The following INPP4B variants were observed in gnomAD, a reference collection of about 807,000 sequenced individuals.
The protein encoded by INPP4B is inositol polyphosphate 4-phosphatase type II.
Under a neutral mutation model 122.5 loss-of-function variants are expected in INPP4B, and 55 were observed. That is an observed-to-expected ratio of 0.45 (90% CI 0.36 to 0.56). The LOEUF is 0.56. Among genes scored for constraint, INPP4B ranks in the 20% least tolerant of loss-of-function variants. The pLI, the probability that INPP4B is intolerant of heterozygous loss-of-function variation, is 0.00. For missense variants in INPP4B, 1,000 were observed against 1,097.7 expected (o/e 0.91, Z 1.26); for synonymous variants, 403 against 388.7 (o/e 1.04, Z -0.43).
chr4:142,319,430 T>C (rs1031630843), intron 7 of INPP4B, among the ~76,000 whole-genome samples: 1 of 152,206 alleles, frequency 6.6e-6, no homozygotes, highest in East Asian at 1.9e-4. Context: ...CATTTACTTG[T>C]TCTACTTGGA....
At chr4:142,342,340 G>A (rs983961695) in intron 7 of INPP4B, among the ~76,000 whole-genome samples, 1 of 152,018 alleles carries the variant, frequency 6.6e-6, no homozygotes, top group Admixed American at 6.6e-5. Flanking sequence ...ATCAAATAGA[G>A]TACTGGTTAA....
intron 2 of INPP4B, among the ~76,000 whole-genome samples, chr4:142,664,477 G>T (rs1311560670): frequency 6.6e-6 from 1 of 151,834 alleles, no homozygotes; most frequent in African/African-American, 2.4e-5. Context: ...AAAGCCAAAG[G>T]TGAGATACTA....
chr4:142,622,897 T>C (rs2150379780), intron 2 of INPP4B, among the ~76,000 whole-genome samples: 1 of 152,084 alleles, frequency 6.6e-6, no homozygotes, highest in Middle Eastern at 3.4e-3. Context: ...GCATACAAAA[T>C]ATATTCATAG....
At chr4:142,494,255 T>G (rs535434582) in intron 2 of INPP4B, among the ~76,000 whole-genome samples, 8 of 152,326 alleles carry the variant, frequency 5.3e-5, no homozygotes, top group African/African-American at 1.7e-4. Flanking sequence ...CTCTGAAGAT[T>G]GCAATTTGCA....
At chr4:142,513,187 C>A (rs1182940111) in intron 2 of INPP4B, among the ~76,000 whole-genome samples, 1 of 152,162 alleles carries the variant, frequency 6.6e-6, no homozygotes, top group Non-Finnish European at 1.5e-5. Flanking sequence ...TCTGCGGACA[C>A]TGAAAGAAAC....
intron 3 of INPP4B, among the ~76,000 whole-genome samples, chr4:142,450,562 C>T (rs1052368025): frequency 1.3e-5 from 2 of 152,160 alleles, no homozygotes; most frequent in Non-Finnish European, 2.9e-5. Flanking sequence ...CCACAGAGTT[C>T]TATTTTTACT....
At chr4:142,244,183 T>C (rs1860932119) in intron 11 of INPP4B, among the ~76,000 whole-genome samples, 1 of 151,848 alleles carries the variant, frequency 6.6e-6, no homozygotes, top group African/African-American at 2.4e-5. Context: ...GTCCCTGTGT[T>C]AGTTTGCTGA....
chr4:142,540,654 T>C (rs1215053761), intron 2 of INPP4B, among the ~76,000 whole-genome samples: 1 of 152,174 alleles, frequency 6.6e-6, no homozygotes, highest in Admixed American at 6.5e-5. Flanking sequence ...GTAATTAATA[T>C]GGATTGAACG....
Position 142,302,977 on chromosome 4 carries a change from C to T in INPP4B, c.503+2481G>A, listed in dbSNP as rs575613108. Among the ~76,000 whole-genome samples, 4 of 152,228 alleles carry T rather than the reference C, an allele frequency of 2.6e-5. No individual in the cohort carries two copies. The South Asian group carries it at 8.3e-4, about 32-fold the overall frequency. On this transcript the variant is annotated intron_variant, in intron 9 of 25. Transcript: ENST00000262992. Reference sequence around the variant, plus strand: ...AAAGGTGACATACGAATAGAAACCACTTTATACATCAGAGGCATTTTCCCC... The same window carrying T: ...AAAGGTGACATACGAATAGAAACCATTTTATACATCAGAGGCATTTTCCCC...
intron 2 of INPP4B, among the ~76,000 whole-genome samples, chr4:142,694,245 C>T (rs1465892389): frequency 4.6e-5 from 7 of 151,520 alleles, no homozygotes; most frequent in Non-Finnish European, 7.4e-5. Context: ...TGGTGGTACA[C>T]GTCTGTAATC....
chr4:142,029,136 T>TAGTA (rs1401056544), intron 25 of INPP4B: 4 of 1,234,688 alleles, frequency 3.2e-6, no homozygotes, highest in Non-Finnish European at 4.1e-6. Flanking sequence ...GTCTCTTTAC[T>TAGTA]CTTAACATTT....
intron 7 of INPP4B, among the ~76,000 whole-genome samples, chr4:142,378,423 G>A (rs1792817095): frequency 6.6e-6 from 1 of 152,130 alleles, no homozygotes; most frequent in African/African-American, 2.4e-5. Context: ...ACAGTCTATT[G>A]TAATAGCTCA....
At chr4:142,198,535 T>TA (rs754675344) in intron 14 of INPP4B, among the ~76,000 whole-genome samples, 2,800 of 149,492 alleles carry the variant, frequency 0.019, 48 homozygotes, top group Non-Finnish European at 0.032. Flanking sequence ...TATTTTTACT[T>TA]AAAAAAAAAA....
intron 7 of INPP4B, among the ~76,000 whole-genome samples, chr4:142,326,246 C>T (rs1202875735): frequency 6.6e-6 from 1 of 152,088 alleles, no homozygotes; most frequent in Non-Finnish European, 1.5e-5. Flanking sequence ...GAAGGAGAAA[C>T]CTCTAAAAAG....
chr4:142,030,463 G>A (rs1739166913), intron 25 of INPP4B, among the ~76,000 whole-genome samples: 3 of 152,276 alleles, frequency 2.0e-5, no homozygotes, highest in Admixed American at 6.5e-5. Context: ...TGCATCTTGT[G>A]TATTGTTTTC....
intron 9 of INPP4B, among the ~76,000 whole-genome samples, chr4:142,300,864 C>T (rs1396495047): frequency 3.9e-5 from 6 of 152,028 alleles, no homozygotes; most frequent in African/African-American, 1.2e-4. Context: ...ATAGTCCCTT[C>T]GTATGAATAA....
intron 11 of INPP4B, among the ~76,000 whole-genome samples, chr4:142,253,432 A>G (rs1304956560): frequency 6.6e-6 from 1 of 152,184 alleles, no homozygotes; most frequent in African/African-American, 2.4e-5. Context: ...CCGCATTTCC[A>G]TCTGAGGTAC....
intron 7 of INPP4B, among the ~76,000 whole-genome samples, chr4:142,394,114 A>G (rs1326332109): frequency 2.0e-5 from 3 of 152,030 alleles, no homozygotes; most frequent in African/African-American, 7.2e-5. Context: ...CAGTGTTCAA[A>G]AGTTCACTTT....
chr4:142,318,603 T>C (rs901486864), intron 7 of INPP4B, among the ~76,000 whole-genome samples: 3 of 152,160 alleles, frequency 2.0e-5, no homozygotes, highest in African/African-American at 4.8e-5. Flanking sequence ...TTTAAAACAT[T>C]CTTACAGCTT....
Sources: gnomAD v4.1 joint callset for allele counts (sites outside exome capture counted in the v4.1 genomes callset) on GRCh38, gnomAD v4.1.1 for gene constraint, MANE v1.5 for transcripts, NCBI Gene and HGNC (gene_info 2026-07-23, HGNC 2026-07-21) for gene names.